Variants in KCNK10 observed in about 807,000 individuals in gnomAD.
The protein encoded by KCNK10 is potassium two pore domain channel subfamily K member 10.
In KCNK10, 25 loss-of-function variants were observed where a neutral mutation model predicts 47.7. The ratio of observed to expected loss-of-function variants is 0.52; its 90% CI spans 0.38 to 0.73. The LOEUF is 0.73. Among genes scored for constraint, KCNK10 ranks in the 30% least tolerant of loss-of-function variants. KCNK10 has a pLI of 0.00. For missense variants in KCNK10, 563 were observed against 714.5 expected (o/e 0.79, Z 2.42); for synonymous variants, 303 against 285.6 (o/e 1.06, Z -0.61).
intron 3 of KCNK10, among the ~76,000 whole-genome samples, chr14:88,239,154 T>C (rs1886379783): frequency 6.6e-6 from 1 of 151,704 alleles, no homozygotes; most frequent in Non-Finnish European, 1.5e-5. Context: ...GTTGGAAAAA[T>C]GGCACCAATA....
intron 1 of KCNK10, among the ~76,000 whole-genome samples, chr14:88,280,383 C>T (rs1887623910): frequency 6.6e-6 from 1 of 152,162 alleles, no homozygotes; most frequent in Non-Finnish European, 1.5e-5. Flanking sequence ...CACTGGACTT[C>T]CGTGGGTTAT....
chr14:88,219,356 A>G (rs1231939966), intron 4 of KCNK10, among the ~76,000 whole-genome samples: 1 of 152,208 alleles, frequency 6.6e-6, no homozygotes, highest in Non-Finnish European at 1.5e-5. Context: ...GCTCGGGCCA[A>G]TGGGCTCTAC....
At chr14:88,217,937 G>T (rs779130504) in intron 4 of KCNK10, among the ~76,000 whole-genome samples, 1 of 152,054 alleles carries the variant, frequency 6.6e-6, no homozygotes, top group Non-Finnish European at 1.5e-5. Context: ...TGGCCAGGCT[G>T]GTCTCAAACT....
chr14:88,181,473 C>T lies in KCNK10; in HGVS notation c.*4062G>A, dbSNP rs1368091918. On this transcript the variant is annotated 3_prime_UTR_variant, in exon 7 of 7. Coordinates refer to ENST00000319231, the MANE Select transcript of KCNK10 (RefSeq NM_138317.3). The stretch of plus-strand genomic sequence containing the variant: ...GAGAGATGTCTGTCTGATCATAGTA[C>T]TTGAATTCATGATACATGAAGTACT... 2.0e-5 allele frequency: 3 copies of T among 151,808 alleles called. No homozygotes were observed. The highest frequency in any genetic ancestry group is 4.4e-5 in the Non-Finnish European group (3 of 68,078). The allele number at this position is 151,808 out of a possible 1,614,324, so 9.4% of individuals were successfully genotyped here.
intron 3 of KCNK10, among the ~76,000 whole-genome samples, chr14:88,239,504 T>A (rs1456737201): frequency 4.6e-5 from 7 of 152,226 alleles, no homozygotes; most frequent in Non-Finnish European, 8.8e-5. Flanking sequence ...GTTATAGGGA[T>A]CGAATACATG....
chr14:88,185,602 C>A lies in KCNK10; in HGVS notation c.1565G>T (p.Gly522Val), dbSNP rs773394550. ...CIQQHAELEN[G>V]MIPTDTKDRE... is the part of the protein sequence containing the mutation. ...GTCTTTGGTGTCCGTGGGTATCATT[C>A]CGTTCTCCAACTCAGCGTGCTGCTG... Residue 522 changes from glycine to valine, a missense_variant, in exon 7 of 7, where the codon GGA becomes GTA. By Grantham distance (109) the Gly-to-Val change is moderately radical. Transcript: ENST00000319231. The surrounding 1 kb of genome is among the most constrained non-coding windows in gnomAD (Gnocchi z 4.3). 6.2e-7 allele frequency: 1 copy of A among 1,614,148 alleles called. No individual in the cohort carries two copies.
chr14:88,201,158 C>G lies in KCNK10; in HGVS notation c.682-8748G>C, dbSNP rs568861397. Among the ~76,000 whole-genome samples, 6 of 152,282 alleles carry G rather than the reference C, an allele frequency of 3.9e-5. No individual in the cohort carries two copies. The East Asian group carries it at 1.2e-3, about 29-fold the overall frequency. ...AAAGTTTCCATTGGAGGCCTCATGG[C>G]AGAATCAGGGCAAGTACCTTGACAT... On this transcript the variant is annotated intron_variant, in intron 4 of 6. Transcript: ENST00000319231.
At chr14:88,325,864 G>C (rs1168416540), upstream of KCNK10, among the ~76,000 whole-genome samples, 1 of 152,110 alleles carries the variant, frequency 6.6e-6, no homozygotes, top group East Asian at 1.9e-4. Flanking sequence ...ACAGGTTGCA[G>C]GTCCCCATTA....
chr14:88,191,340 A>AACACACAC (rs56194944), intron 5 of KCNK10, among the ~76,000 whole-genome samples: 2,572 of 150,044 alleles, frequency 0.017, 32 homozygotes, highest in Non-Finnish European at 0.021. Context: ...TGGTAAAGGA[A>AACACACAC]ACACACACAC....
At chr14:88,308,377 C>A (rs1235009618) in intron 1 of KCNK10, among the ~76,000 whole-genome samples, 1 of 152,216 alleles carries the variant, frequency 6.6e-6, no homozygotes, top group Non-Finnish European at 1.5e-5. Context: ...GCCCTTGTGA[C>A]CCAGACTGGC....
chr14:88,238,333 A>G (rs1013461153), intron 3 of KCNK10, among the ~76,000 whole-genome samples: 3 of 152,164 alleles, frequency 2.0e-5, no homozygotes, highest in Non-Finnish European at 4.4e-5. Context: ...CTTTCTTATC[A>G]TTCATGTGCT....
intron 1 of KCNK10, among the ~76,000 whole-genome samples, chr14:88,267,982 T>C (rs1196264413): frequency 2.0e-5 from 3 of 152,242 alleles, no homozygotes; most frequent in Non-Finnish European, 2.9e-5. Flanking sequence ...TGAGTCCAGG[T>C]AGGACCCCCA....
At chr14:88,289,939 T>C (rs563466491) in intron 1 of KCNK10, among the ~76,000 whole-genome samples, 2 of 152,302 alleles carry the variant, frequency 1.3e-5, no homozygotes, top group Non-Finnish European at 2.9e-5. Context: ...GCATAAGCAT[T>C]GTGTCTTATT....
chr14:88,308,540 C>G (rs1016805483), intron 1 of KCNK10, among the ~76,000 whole-genome samples: 1 of 152,264 alleles, frequency 6.6e-6, no homozygotes, highest in Non-Finnish European at 1.5e-5. Context: ...CAAAAAGTTA[C>G]TATCTGCTAG....
At chr14:88,237,776 A>C (rs1886338594) in intron 3 of KCNK10, among the ~76,000 whole-genome samples, 2 of 152,210 alleles carry the variant, frequency 1.3e-5, no homozygotes, top group South Asian at 4.1e-4. Context: ...ATGTGCTGTC[A>C]TCCAGGCTTT....
intron 4 of KCNK10, among the ~76,000 whole-genome samples, chr14:88,212,926 T>G (rs1249596655): frequency 6.6e-6 from 1 of 152,244 alleles, no homozygotes; most frequent in Non-Finnish European, 1.5e-5. Context: ...CAGAGCCTGC[T>G]CAGCATGGGG....
rs959684755 is a variant in KCNK10, at chr14:88,199,902, A to G, written c.682-7492T>C. ...GATAGATTTAGGTCAACACCTATACAAATACCTGGGTATTGCTGGATAAGC... is the reference window on the plus strand; with the variant it reads ...GATAGATTTAGGTCAACACCTATACGAATACCTGGGTATTGCTGGATAAGC... On this transcript the variant is annotated intron_variant, in intron 4 of 6. Transcript: ENST00000319231. Among the ~76,000 whole-genome samples, 11 of 152,216 alleles carry G rather than the reference A, an allele frequency of 7.2e-5. 1 individual carries two copies. The highest frequency in any genetic ancestry group is 1.2e-4 in the Non-Finnish European group (8 of 68,024).
chr14:88,272,772 G>T (rs1293500426), intron 1 of KCNK10, among the ~76,000 whole-genome samples: 1 of 152,122 alleles, frequency 6.6e-6, no homozygotes, highest in African/African-American at 2.4e-5. Context: ...CGTCTGTGGG[G>T]GGTGTGGGTA....
At chr14:88,290,697 G>A (rs1425655472) in intron 1 of KCNK10, among the ~76,000 whole-genome samples, 1 of 152,198 alleles carries the variant, frequency 6.6e-6, no homozygotes, top group Non-Finnish European at 1.5e-5. Context: ...TCTCTACTAT[G>A]TGCAAAGATG....
Sources: gnomAD v4.1 joint callset for allele counts (sites outside exome capture counted in the v4.1 genomes callset) on GRCh38, gnomAD v4.1.1 for gene constraint, Gnocchi (gnomAD v3.1) non-coding constraint, MANE v1.5 for transcripts, NCBI Gene and HGNC (gene_info 2026-07-23, HGNC 2026-07-21) for gene names.